DACH2: variants seen among roughly 807,000 people sequenced by gnomAD.
The protein encoded by DACH2 is dachshund family transcription factor 2.
A neutral mutation model predicts 35.8 loss-of-function variants in DACH2; 17 were observed. The observed-to-expected ratio is 0.48, with a 90% CI of 0.33 to 0.71. The LOEUF is 0.71. Among genes scored for constraint, DACH2 ranks in the 30% least tolerant of loss-of-function variants. The pLI is 0.02. For missense variants in DACH2, 469 were observed against 472.7 expected (o/e 0.99, Z 0.07); for synonymous variants, 195 against 177.3 (o/e 1.10, Z -0.79).
intron 4 of DACH2, among the ~76,000 whole-genome samples, chrX:86,670,181 A>G (rs186390179): frequency 9.0e-6 from 1 of 111,395 alleles, no homozygotes; most frequent in East Asian, 2.8e-4. Context: ...AGTGTCTTAC[A>G]TAAAGTTAGG....
At chrX:86,686,380 G>T (rs982783764) in intron 4 of DACH2, among the ~76,000 whole-genome samples, 2 of 109,726 alleles carry the variant, frequency 1.8e-5, no homozygotes, top group African/African-American at 6.7e-5. Flanking sequence ...CTACAGGTGC[G>T]CACCAACATG....
At chrX:86,307,333 G>A (rs892772437) in intron 1 of DACH2, among the ~76,000 whole-genome samples, 7 of 111,864 alleles carry the variant, frequency 6.3e-5, no homozygotes, top group African/African-American at 2.3e-4. Flanking sequence ...TGGTTGACCT[G>A]CAATGAAAGA....
chrX:86,766,413 C>T (rs7057077), intron 7 of DACH2, among the ~76,000 whole-genome samples: 22,595 of 110,876 alleles, frequency 0.2, 1,791 homozygotes, highest in East Asian at 0.47. Context: ...TTTCCCACCA[C>T]GGCCAAATTC....
chrX:86,167,184 G>A (rs1164443962), intron 1 of DACH2, among the ~76,000 whole-genome samples: 2 of 111,279 alleles, frequency 1.8e-5, no homozygotes, highest in East Asian at 2.8e-4. Flanking sequence ...AAGGCTTCAC[G>A]TCCCAAGCTT....
intron 1 of DACH2, among the ~76,000 whole-genome samples, chrX:86,177,849 T>C (rs1039033494): frequency 2.0e-5 from 2 of 98,855 alleles, no homozygotes. Flanking sequence ...CCCTTCTTTA[T>C]CTAGCATTGA....
chrX:86,800,309 G>A (rs1248315691), intron 7 of DACH2, among the ~76,000 whole-genome samples: 2 of 111,505 alleles, frequency 1.8e-5, no homozygotes, highest in Non-Finnish European at 1.9e-5. Flanking sequence ...TAAGTAAGGT[G>A]AGAATATTGA....
chrX:86,777,668 A>G (rs2042048960), intron 7 of DACH2, among the ~76,000 whole-genome samples: 1 of 111,234 alleles, frequency 9.0e-6, no homozygotes, highest in Admixed American at 9.6e-5. Context: ...ATCCCCTACT[A>G]GGTGATTTTT....
At chrX:86,748,602 A>C (rs574943703) in intron 7 of DACH2, among the ~76,000 whole-genome samples, 2 of 111,947 alleles carry the variant, frequency 1.8e-5, no homozygotes, top group South Asian at 7.4e-4. Flanking sequence ...TAGATGTGCC[A>C]TTATCCAGGC....
At chrX:86,423,902 G>A (rs1014498198) in intron 2 of DACH2, among the ~76,000 whole-genome samples, 1 of 110,882 alleles carries the variant, frequency 9.0e-6, no homozygotes, top group Non-Finnish European at 1.9e-5. Flanking sequence ...TTCTGCATAT[G>A]AATGTCCAGT....
At chrX:86,326,779 C>T in intron 1 of DACH2, among the ~76,000 whole-genome samples, 1 of 111,335 alleles carries the variant, frequency 9.0e-6, no homozygotes, top group Non-Finnish European at 1.9e-5. Context: ...TAAGTGAGAA[C>T]ATATGGTTAA....
intron 2 of DACH2, among the ~76,000 whole-genome samples, chrX:86,455,071 G>C (rs993836335): frequency 1.8e-5 from 2 of 110,929 alleles, no homozygotes; most frequent in Non-Finnish European, 3.8e-5. Context: ...TGAGACCCCA[G>C]TTGCCTCATT....
intron 3 of DACH2, among the ~76,000 whole-genome samples, chrX:86,530,886 C>A (rs1253972334): frequency 9.0e-6 from 1 of 111,533 alleles, no homozygotes; most frequent in Non-Finnish European, 1.9e-5. Context: ...ACAATGAAGT[C>A]CAGGCTGAGG....
chrX:86,492,333 T>G (rs1415615902), intron 2 of DACH2, among the ~76,000 whole-genome samples: 1 of 111,980 alleles, frequency 8.9e-6, no homozygotes, highest in African/African-American at 3.2e-5. Context: ...TATGGATGAA[T>G]TCAAACTTTT....
At chrX:86,429,216 GA>G (rs761251246) in intron 2 of DACH2, among the ~76,000 whole-genome samples, 2,005 of 104,966 alleles carry the variant, frequency 0.019, 16 homozygotes, top group Middle Eastern at 0.034. Context: ...TCTTTTCTGA[GA>G]AAAAAAAAAA....
At chrX:86,515,836 G>C (rs2038458659) in intron 3 of DACH2, among the ~76,000 whole-genome samples, 1 of 112,625 alleles carries the variant, frequency 8.9e-6, no homozygotes. Flanking sequence ...CTGGAGGGTT[G>C]ATAGCAATGA....
chrX:86,469,787 A>C (rs1390334102), intron 2 of DACH2, among the ~76,000 whole-genome samples: 2 of 110,528 alleles, frequency 1.8e-5, no homozygotes, highest in Non-Finnish European at 3.8e-5. Flanking sequence ...GCCATGTCCC[A>C]TGCATTCTAC....
intron 1 of DACH2, among the ~76,000 whole-genome samples, chrX:86,240,519 AGTGCAGTG>A (rs768658004): frequency 9.3e-6 from 1 of 108,041 alleles, no homozygotes; most frequent in East Asian, 2.9e-4. Context: ...CCCAGTCTGG[AGTGCAGTG>A]GTGCAATCAT....
chrX:86,498,802 A>AT (rs1475152406), intron 2 of DACH2, among the ~76,000 whole-genome samples: 2 of 111,765 alleles, frequency 1.8e-5, no homozygotes, highest in Admixed American at 9.5e-5. Context: ...TTGAATATTT[A>AT]TTTTTTGCCT....
intron 3 of DACH2, among the ~76,000 whole-genome samples, chrX:86,536,606 G>T (rs1345814708): frequency 1.8e-5 from 2 of 111,608 alleles, no homozygotes; most frequent in African/African-American, 3.3e-5. Flanking sequence ...TCTTCAGGTG[G>T]TGCTCAACTC....
Sources: gnomAD v4.1 joint callset for allele counts (sites outside exome capture counted in the v4.1 genomes callset) on GRCh38, gnomAD v4.1.1 for gene constraint, MANE v1.5 for transcripts, NCBI Gene and HGNC (gene_info 2026-07-23, HGNC 2026-07-21) for gene names.